The following FOXN3 variants were observed in gnomAD, a reference collection of about 807,000 sequenced individuals.
The protein encoded by FOXN3 is forkhead box N3, also known as forkhead box protein N3.
FOXN3 carries 7 observed loss-of-function variants against 38.4 expected under a neutral mutation model. That is an observed-to-expected ratio of 0.18 (90% CI 0.10 to 0.34). FOXN3 has a LOEUF of 0.34. Among genes scored for constraint, FOXN3 ranks in the 10% least tolerant of loss-of-function variants. FOXN3 has a pLI of 1.00. For missense variants in FOXN3, 456 were observed against 613.4 expected (o/e 0.74, Z 2.71); for synonymous variants, 230 against 242.2 (o/e 0.95, Z 0.47).
At chr14:89,313,483 G>T (rs181052744) in intron 3 of FOXN3, among the ~76,000 whole-genome samples, 1 of 152,024 alleles carries the variant, frequency 6.6e-6, no homozygotes, top group African/African-American at 2.4e-5. Flanking sequence ...GCTTGAACCT[G>T]GGAGGAGAAG....
intron 1 of FOXN3, among the ~76,000 whole-genome samples, chr14:89,456,769 TAATA>T (rs1892735373): frequency 6.6e-6 from 1 of 151,930 alleles, no homozygotes; most frequent in Non-Finnish European, 1.5e-5. Context: ...TAAAATAAAA[TAATA>T]AATAAGTGAA....
intron 2 of FOXN3, among the ~76,000 whole-genome samples, chr14:89,402,794 T>C (rs1321179168): frequency 2.0e-5 from 3 of 152,246 alleles, no homozygotes; most frequent in East Asian, 3.8e-4. Context: ...CGTCTCTGTC[T>C]AGCTCCTCAA....
rs1408448239 is a variant in FOXN3 at position 89,159,608 on chromosome 14, T to C, written c.*2806A>G. ...GGGAGACAGCCCACGGTGGGGGTTT[T>C]AATTGGAAGAAGTCCTCGGCCAGAA... On this transcript the variant is annotated 3_prime_UTR_variant, in exon 6 of 6. Coordinates refer to ENST00000557258, the MANE Select transcript of FOXN3 (RefSeq NM_005197.4). 1 of 152,292 alleles carries C rather than the reference T, an allele frequency of 6.6e-6. No individual in the cohort carries two copies. The highest frequency in any genetic ancestry group is 2.4e-5 in the African/African-American group (1 of 41,458). The allele number at this position is 152,292 out of a possible 1,614,324, so 9.4% of individuals were successfully genotyped here.
intron 1 of FOXN3, among the ~76,000 whole-genome samples, chr14:89,471,662 C>A (rs934713258): frequency 6.6e-6 from 1 of 152,164 alleles, no homozygotes; most frequent in African/African-American, 2.4e-5. Context: ...ACTGAAGACA[C>A]ATACTACAAA....
intron 1 of FOXN3, among the ~76,000 whole-genome samples, chr14:89,520,207 T>C (rs1894291909): frequency 6.6e-6 from 1 of 150,976 alleles, no homozygotes; most frequent in Non-Finnish European, 1.5e-5. Flanking sequence ...GAGACAGGGG[T>C]TTCGCCATGT....
intron 4 of FOXN3, among the ~76,000 whole-genome samples, chr14:89,268,003 T>C (rs992690488): frequency 5.9e-5 from 9 of 152,122 alleles, no homozygotes; most frequent in Non-Finnish European, 1.2e-4. Context: ...ACTCTGAAAA[T>C]CCTTCATAAT....
chr14:89,521,225 G>A (rs915930744), intron 1 of FOXN3, among the ~76,000 whole-genome samples: 2 of 152,006 alleles, frequency 1.3e-5, no homozygotes, highest in African/African-American at 2.4e-5. Context: ...CAGGAGAATC[G>A]CCTGAACCAG....
chr14:89,307,383 C>T (rs1887409150), intron 3 of FOXN3, among the ~76,000 whole-genome samples: 1 of 152,008 alleles, frequency 6.6e-6, no homozygotes, highest in African/African-American at 2.4e-5. Context: ...TTTTTTTAAG[C>T]TGAAATAATT....
intron 1 of FOXN3, among the ~76,000 whole-genome samples, chr14:89,481,686 C>G (rs768315625): frequency 1.3e-5 from 2 of 152,178 alleles, no homozygotes; most frequent in Non-Finnish European, 2.9e-5. Context: ...TCTGTTGCCT[C>G]ATCTGAAAAT....
intron 1 of FOXN3, among the ~76,000 whole-genome samples, chr14:89,451,711 C>CT (rs1230989277): frequency 6.6e-6 from 1 of 152,154 alleles, no homozygotes; most frequent in Non-Finnish European, 1.5e-5. Flanking sequence ...CTCAGATTCA[C>CT]TTTTTTTATC....
At chr14:89,473,397 C>G (rs1015299646) in intron 1 of FOXN3, among the ~76,000 whole-genome samples, 7 of 134,134 alleles carry the variant, frequency 5.2e-5, no homozygotes, top group Non-Finnish European at 1.1e-4. Context: ...TTTTTTTTTT[C>G]CTTTTGCTCA....
intron 3 of FOXN3, among the ~76,000 whole-genome samples, chr14:89,299,351 C>T (rs8011096): frequency 0.27 from 40,375 of 152,134 alleles, 5,441 homozygotes; most frequent in Admixed American, 0.35. Context: ...CCATGTAAGA[C>T]GTGATTGTGA....
chr14:89,408,550 G>A (rs893921794), intron 2 of FOXN3, among the ~76,000 whole-genome samples: 6 of 149,932 alleles, frequency 4.0e-5, no homozygotes, highest in Admixed American at 1.3e-4. Context: ...CACCGTGCCC[G>A]GCTGGGAATT....
intron 1 of FOXN3, among the ~76,000 whole-genome samples, chr14:89,472,304 T>C (rs1028139633): frequency 6.6e-6 from 1 of 151,760 alleles, no homozygotes; most frequent in Non-Finnish European, 1.5e-5. Flanking sequence ...CCACTGAGTT[T>C]TGGGGTTTGT....
chr14:89,536,727 G>A (rs1188059076), intron 1 of FOXN3, among the ~76,000 whole-genome samples: 3 of 152,028 alleles, frequency 2.0e-5, no homozygotes, highest in Non-Finnish European at 2.9e-5. Context: ...GCAGTGAGCC[G>A]AGATCGGGCC....
chr14:89,204,818 C>CCATCCATCCATGCATTCATG (rs1195676100), intron 4 of FOXN3, among the ~76,000 whole-genome samples: 1 of 151,818 alleles, frequency 6.6e-6, no homozygotes, highest in Non-Finnish European at 1.5e-5. Context: ...ATCCATCCAT[C>CCATCCATCCATGCATTCATG]CATCCATCCA....
chr14:89,221,020 T>C (rs1006497327), intron 4 of FOXN3, among the ~76,000 whole-genome samples: 11 of 152,082 alleles, frequency 7.2e-5, no homozygotes, highest in Non-Finnish European at 5.9e-5. Flanking sequence ...AGTTCAGGGA[T>C]GCATTAAAAA....
chr14:89,185,470 ACT>A (rs1381568670), intron 4 of FOXN3: 3 of 152,010 alleles, frequency 2.0e-5, no homozygotes, highest in East Asian at 1.9e-4. Context: ...CCTTCCTTTT[ACT>A]CTGTTTCCCT....
At chr14:89,376,982 T>C (rs1404876671) in intron 2 of FOXN3, among the ~76,000 whole-genome samples, 10 of 119,612 alleles carry the variant, frequency 8.4e-5, no homozygotes, top group East Asian at 7.8e-4. Flanking sequence ...GACTGCACCA[T>C]TGCACTCCGG....
Sources: allele counts gnomAD v4.1 joint callset (sites outside exome capture counted in the v4.1 genomes callset), GRCh38; gene constraint gnomAD v4.1.1; transcripts MANE v1.5; gene names NCBI Gene and HGNC (gene_info 2026-07-23, HGNC 2026-07-21).